The following ASB4 variants were observed in gnomAD, a reference collection of about 807,000 sequenced individuals.
The protein encoded by ASB4 is ankyrin repeat and SOCS box containing 4.
Under a neutral mutation model 38.6 loss-of-function variants are expected in ASB4, and 35 were observed. That is an observed-to-expected ratio of 0.91 (90% CI 0.69 to 1.20). ASB4 has a LOEUF of 1.20. Among genes scored for constraint, ASB4 ranks in the 50% most tolerant of loss-of-function variants. The pLI, the probability that ASB4 is intolerant of heterozygous loss-of-function variation, is 0.00. For synonymous variants in ASB4, 195 were observed against 201.3 expected (o/e 0.97, Z 0.26); for missense variants, 557 against 527.2 (o/e 1.06, Z -0.55).
At chr7:95,548,659 G>C in the ASB4 span, among the ~76,000 whole-genome samples, 1 of 152,184 alleles carries the variant, frequency 6.6e-6, no homozygotes, top group Admixed American at 6.5e-5. Context: ...TCAAGGTCTA[G>C]TTACTAATTA....
In ASB4 at chr7:95,539,477, T is replaced by C. The variant is rs542549871; in HGVS notation, c.*1718T>C. Reference sequence around the variant, plus strand: ...TATATCATGGAATAGAATGCTGAATTTGTATGAATTATTCACATAAAGCTT... The same window carrying C: ...TATATCATGGAATAGAATGCTGAATCTGTATGAATTATTCACATAAAGCTT... On this transcript the variant is annotated 3_prime_UTR_variant, in exon 5 of 5. Coordinates refer to ENST00000325885, the MANE Select transcript of ASB4 (RefSeq NM_016116.3). The C allele has an allele frequency of 1.3e-5, 2 of 152,340 alleles. No homozygotes were observed. The highest frequency in any genetic ancestry group is 4.1e-4 in the South Asian group (2 of 4,830). The allele number at this position is 152,340 out of a possible 1,614,324, so 9.4% of individuals were successfully genotyped here.
At chr7:95,547,136 A>T in the ASB4 span, among the ~76,000 whole-genome samples, 1 of 152,256 alleles carries the variant, frequency 6.6e-6, no homozygotes, top group African/African-American at 2.4e-5. Flanking sequence ...TTTTTAAAAG[A>T]TTAAGGTAAA....
At position 95,523,379 on chromosome 7, in the gene ASB4, C is replaced by T. The variant is rs1313562541; in HGVS notation, c.488-4434C>T. Among the ~76,000 whole-genome samples the T allele has an allele frequency of 2.6e-5, 4 of 151,938 alleles. No individual in the cohort carries two copies. In the East Asian group the frequency reaches 5.8e-4, roughly 22 times the overall value. On this transcript the variant is annotated intron_variant, in intron 2 of 4. Transcript: ENST00000325885. ...GAGCTCATAAAAGTGCAAACAAAGCCGAACGATTTCACCTAATAAAGAGAC... is the reference window on the plus strand; with the variant it reads ...GAGCTCATAAAAGTGCAAACAAAGCTGAACGATTTCACCTAATAAAGAGAC...
At chr7:95,501,684 G>A (rs904856509) in intron 2 of ASB4, among the ~76,000 whole-genome samples, 5 of 152,138 alleles carry the variant, frequency 3.3e-5, no homozygotes, top group African/African-American at 1.2e-4. Flanking sequence ...ACCACAAACT[G>A]ACAGAGTGGC....
At chr7:95,508,672 C>T (rs185988422) in intron 2 of ASB4, among the ~76,000 whole-genome samples, 1 of 152,076 alleles carries the variant, frequency 6.6e-6, no homozygotes, top group African/African-American at 2.4e-5. Context: ...ATTGGGCTCA[C>T]GCAGGTTTAG....
At chr7:95,484,501 A>G (rs1790057804), upstream of ASB4, among the ~76,000 whole-genome samples, 1 of 152,208 alleles carries the variant, frequency 6.6e-6, no homozygotes, top group African/African-American at 2.4e-5. Context: ...TTCACTAAAA[A>G]TTTGACAAGC....
intron 2 of ASB4, among the ~76,000 whole-genome samples, chr7:95,509,580 C>T (rs1449602396): frequency 6.6e-6 from 1 of 152,158 alleles, no homozygotes; most frequent in Non-Finnish European, 1.5e-5. Flanking sequence ...AATTTAATAT[C>T]TTTGTGCGTC....
At chr7:95,543,135 G>A (rs1392401330), downstream of ASB4, 1 of 151,254 alleles carries the variant, frequency 6.6e-6, no homozygotes, top group Non-Finnish European at 1.5e-5. Context: ...ACTGACAAGT[G>A]GTGGGAACCA....
chr7:95,537,440 A>T, intron 4 of ASB4, 131 bp from the exon 5 acceptor site: 1 of 635,146 alleles, frequency 1.6e-6, no homozygotes, highest in Non-Finnish European at 2.6e-6. Context: ...ATTGCGTTTA[A>T]TTTTTGCCTC....
chr7:95,537,119 ACAGG>A (rs1257323139), intron 4 of ASB4, among the ~76,000 whole-genome samples: 59 of 152,324 alleles, frequency 3.9e-4, no homozygotes, highest in African/African-American at 1.2e-3. Context: ...GGTATCAGGC[ACAGG>A]GTGCAAAGTT....
At chr7:95,489,571 CA>C (rs1790141009) in intron 1 of ASB4, among the ~76,000 whole-genome samples, 1 of 152,144 alleles carries the variant, frequency 6.6e-6, no homozygotes, top group African/African-American at 2.4e-5. Flanking sequence ...TTTTGTAAAG[CA>C]AACATTTAAA....
chr7:95,528,178 G>T lies in ASB4; in HGVS notation c.853G>T (p.Gly285Cys), dbSNP rs750596265. Residue 285 changes from glycine (G) to cysteine (C), a missense_variant, in exon 3 of 5, where the codon GGC (glycine) becomes TGC (cysteine). Transcript: ENST00000325885. ...GAEANLMDIN[G>C]CAAIQYVLKV... ...CGAAGCCAATCTCATGGATATCAACGGCTGTGCTGCCATCCAGTACGTGCT... is the reference window on the plus strand; with the variant it reads ...CGAAGCCAATCTCATGGATATCAACTGCTGTGCTGCCATCCAGTACGTGCT... The T allele has an allele frequency of 6.2e-7, 1 of 1,614,162 alleles. No individual in the cohort carries two copies. Among genetic ancestry groups the T allele is most frequent in the East Asian group, 2.2e-5 (1 of 44,876 alleles).
At chr7:95,506,148 C>T (rs1458186482) in intron 2 of ASB4, among the ~76,000 whole-genome samples, 2 of 152,172 alleles carry the variant, frequency 1.3e-5, no homozygotes. Flanking sequence ...ATCCTCCTGC[C>T]TAGGCCTACA....
chr7:95,505,457 C>T (rs1192654094), intron 2 of ASB4, among the ~76,000 whole-genome samples: 1 of 152,016 alleles, frequency 6.6e-6, no homozygotes, highest in African/African-American at 2.4e-5. Context: ...ATACCATATT[C>T]AAGGTTTATA....
At chr7:95,530,198 C>T (rs1305159531) in intron 3 of ASB4, among the ~76,000 whole-genome samples, 2 of 151,066 alleles carry the variant, frequency 1.3e-5, no homozygotes, top group African/African-American at 4.9e-5. Flanking sequence ...CAGTGGCTCA[C>T]CCCTGTAATC....
At chr7:95,530,492 A>G (rs977137024) in intron 3 of ASB4, among the ~76,000 whole-genome samples, 25 of 152,124 alleles carry the variant, frequency 1.6e-4, no homozygotes, top group Admixed American at 1.2e-3. Flanking sequence ...ATGTGGAGGA[A>G]CAAGCCATGC....
At chr7:95,546,437 G>T in the ASB4 span, among the ~76,000 whole-genome samples, 3 of 151,644 alleles carry the variant, frequency 2.0e-5, no homozygotes, top group Admixed American at 2.0e-4. Context: ...TTTTTTCTGC[G>T]TTGGAGCAAG....
At chr7:95,527,220 TGTG>T (rs540096422) in intron 2 of ASB4, among the ~76,000 whole-genome samples, 112 of 152,174 alleles carry the variant, frequency 7.4e-4, no homozygotes, top group Non-Finnish European at 1.1e-3. Context: ...CACAGGCATA[TGTG>T]GTGGTGGTGG....
At chr7:95,483,682 C>T (rs1033927478), upstream of ASB4, among the ~76,000 whole-genome samples, 10 of 152,256 alleles carry the variant, frequency 6.6e-5, no homozygotes, top group South Asian at 2.1e-4. Flanking sequence ...GGATTCCCAT[C>T]GCCACTTAAA....
Sources: allele counts gnomAD v4.1 joint callset (sites outside exome capture counted in the v4.1 genomes callset), GRCh38; gene constraint gnomAD v4.1.1; transcripts MANE v1.5; gene names NCBI Gene and HGNC (gene_info 2026-07-23, HGNC 2026-07-21).